Variants in CNTNAP5 observed in about 807,000 individuals in gnomAD.
The protein encoded by CNTNAP5 is contactin-associated protein-like 5.
CNTNAP5 carries 72 observed loss-of-function variants against 150.2 expected under a neutral mutation model. That is an observed-to-expected ratio of 0.48 (90% CI 0.40 to 0.58). The LOEUF is 0.58. CNTNAP5 is among the 20% of genes least tolerant of loss of function. The pLI is 0.00. For synonymous variants in CNTNAP5, 672 were observed against 619.8 expected, an observed-to-expected ratio of 1.08 and a Z score of -1.25; for missense variants, 1,636 against 1,626.2, an observed-to-expected ratio of 1.01 and a Z score of -0.10.
At chr2:124,620,115 C>T (rs1231467734) in intron 12 of CNTNAP5, among the ~76,000 whole-genome samples, 1 of 151,790 alleles carries the variant, frequency 6.6e-6, no homozygotes, top group African/African-American at 2.4e-5. Context: ...GGGCTGTGAG[C>T]TCCTTGTTGG....
chr2:124,640,722 A>G (rs2105019448), intron 12 of CNTNAP5, among the ~76,000 whole-genome samples: 1 of 152,220 alleles, frequency 6.6e-6, no homozygotes, highest in African/African-American at 2.4e-5. Flanking sequence ...GGTTCCCAGA[A>G]GTGTTTCTAA....
intron 19 of CNTNAP5, among the ~76,000 whole-genome samples, chr2:124,826,383 TG>T (rs1385234758): frequency 2.6e-5 from 4 of 152,056 alleles, no homozygotes; most frequent in Non-Finnish European, 5.9e-5. Context: ...GAGAGTGGGA[TG>T]TTAAGAAAAC....
rs1573616453 is a variant in CNTNAP5 at position 124,786,436 on chromosome 2, AAGGAAGGAAG to A, written c.2753-3465_2753-3456del. ...GAAGGAAGGAAGGAAGGAAGGAAGG[AAGGAAGGAAG>A]GAAAGAAAGAAAGAAAGAAAGGAAG... On this transcript the variant is annotated intron_variant, in intron 17 of 23. Transcript: ENST00000682447. Among the ~76,000 whole-genome samples, 172 of 121,954 alleles carry A rather than the reference AAGGAAGGAAG, an allele frequency of 1.4e-3. 1 individual carries two copies. The highest frequency in any genetic ancestry group is 5.7e-3 in the Admixed American group (71 of 12,398). The allele number at this position is 121,954 out of a possible 152,430, so 80.0% of individuals were successfully genotyped here.
chr2:124,232,419 G>A (rs1386265470), intron 2 of CNTNAP5, among the ~76,000 whole-genome samples: 1 of 152,124 alleles, frequency 6.6e-6, no homozygotes, highest in Non-Finnish European at 1.5e-5. Context: ...TTCTTCTCGA[G>A]AAGCCTTTCA....
intron 6 of CNTNAP5, among the ~76,000 whole-genome samples, chr2:124,457,990 T>C (rs1693160603): frequency 6.7e-6 from 1 of 148,878 alleles, no homozygotes; most frequent in Admixed American, 6.9e-5. Flanking sequence ...ACAACCACTA[T>C]GGAAAACAGT....
At chr2:124,199,413 C>T (rs867439199) in intron 1 of CNTNAP5, among the ~76,000 whole-genome samples, 2,747 of 109,928 alleles carry the variant, frequency 0.025, 40 homozygotes, top group Middle Eastern at 0.041. Flanking sequence ...TTCCAAGGTT[C>T]TTTTTTTTTT....
In CNTNAP5 at chr2:124,244,565, G is replaced by T. The variant is rs192518341; in HGVS notation, c.381+2172G>T. Among the ~76,000 whole-genome samples, 393 of 152,208 alleles carry T rather than the reference G, an allele frequency of 2.6e-3. 1 individual carries two copies. Among genetic ancestry groups the T allele is most frequent in the Non-Finnish European group, 4.1e-3 (277 of 68,006 alleles). On this transcript the variant is annotated intron_variant, in intron 3 of 23. Coordinates refer to ENST00000682447, the MANE Select transcript of CNTNAP5 (RefSeq NM_001367498.1). ...ACAGCTCCCCAGAGATGCTTGCAGT[G>T]GCTGCAGGGCAATTGGGAGAGAGGC...
intron 1 of CNTNAP5, among the ~76,000 whole-genome samples, chr2:124,148,550 ATAATATG>A (rs1684317802): frequency 6.8e-6 from 1 of 146,870 alleles, no homozygotes; most frequent in Non-Finnish European, 1.5e-5. Context: ...CATATTATAT[ATAATATG>A]TATATATATA....
At chr2:124,206,042 C>A (rs4324325) in intron 1 of CNTNAP5, among the ~76,000 whole-genome samples, 42,786 of 152,060 alleles carry the variant, frequency 0.28, 6,243 homozygotes, top group South Asian at 0.47. Context: ...GTAGAAATCA[C>A]TTGTATTTGT....
At chr2:124,341,017 G>A (rs1056941972) in intron 3 of CNTNAP5, among the ~76,000 whole-genome samples, 1 of 151,564 alleles carries the variant, frequency 6.6e-6, no homozygotes, top group Non-Finnish European at 1.5e-5. Context: ...GTTCCAGGCT[G>A]CAGTGAGCTA....
chr2:124,186,550 C>T (rs1440022855), intron 1 of CNTNAP5, among the ~76,000 whole-genome samples: 2 of 152,110 alleles, frequency 1.3e-5, no homozygotes, highest in Admixed American at 6.5e-5. Context: ...CCTTTTACAA[C>T]AAAGGCCTTA....
intron 19 of CNTNAP5, among the ~76,000 whole-genome samples, chr2:124,846,897 T>C (rs1683059742): frequency 6.6e-6 from 1 of 152,186 alleles, no homozygotes; most frequent in Non-Finnish European, 1.5e-5. Context: ...ATTGGAGAGC[T>C]TCTGCAAAGA....
intron 4 of CNTNAP5, among the ~76,000 whole-genome samples, chr2:124,430,081 T>C (rs1203685759): frequency 6.6e-6 from 1 of 150,748 alleles, no homozygotes; most frequent in African/African-American, 2.4e-5. Context: ...AATTGCGAGG[T>C]GCATTATGAA....
At chr2:124,815,403 T>C (rs868384620) in intron 19 of CNTNAP5, among the ~76,000 whole-genome samples, 1 of 152,184 alleles carries the variant, frequency 6.6e-6, no homozygotes, top group East Asian at 1.9e-4. Context: ...GTCTGGAATA[T>C]CATTTTGTGC....
intron 1 of CNTNAP5, among the ~76,000 whole-genome samples, chr2:124,029,607 T>C (rs1210852102): frequency 6.6e-6 from 1 of 152,122 alleles, no homozygotes; most frequent in East Asian, 1.9e-4. Context: ...CTCCTTGCTT[T>C]ATTTTTGTTC....
rs576985305 is a variant in CNTNAP5, at chr2:124,076,533, C to T, written c.82+50801C>T. Among the ~76,000 whole-genome samples, 13 of 152,232 alleles carry T rather than the reference C, an allele frequency of 8.5e-5. No homozygotes were observed. The South Asian group carries it at 2.5e-3, about 29-fold the overall frequency. ...GCTTTCCTTCTTTCTCAACTGTCCTCCTGTCCTGGGCTTTTACCACAAACA... is the reference window on the plus strand; with the variant it reads ...GCTTTCCTTCTTTCTCAACTGTCCTTCTGTCCTGGGCTTTTACCACAAACA... On this transcript the variant is annotated intron_variant, in intron 1 of 23. Transcript: ENST00000682447.
intron 4 of CNTNAP5, among the ~76,000 whole-genome samples, chr2:124,426,290 C>T (rs937887133): frequency 5.3e-5 from 8 of 152,016 alleles, no homozygotes; most frequent in Non-Finnish European, 8.8e-5. Context: ...GGAAACTTTC[C>T]TCATTTTCAT....
chr2:124,029,094 G>C (rs970626175), intron 1 of CNTNAP5, among the ~76,000 whole-genome samples: 1 of 151,990 alleles, frequency 6.6e-6, no homozygotes, highest in Non-Finnish European at 1.5e-5. Flanking sequence ...ATCTAAGTTT[G>C]TTGCTACATA....
At chr2:124,032,442 G>A (rs1307498221) in intron 1 of CNTNAP5, among the ~76,000 whole-genome samples, 1 of 152,134 alleles carries the variant, frequency 6.6e-6, no homozygotes, top group Admixed American at 6.5e-5. Context: ...ATTACTCTGT[G>A]AAGGATAGAC....
Sources: allele counts gnomAD v4.1 joint callset (sites outside exome capture counted in the v4.1 genomes callset), GRCh38; gene constraint gnomAD v4.1.1; transcripts MANE v1.5; gene names NCBI Gene and HGNC (gene_info 2026-07-23, HGNC 2026-07-21).